The following MBD6 variants were observed in gnomAD, a reference collection of about 807,000 sequenced individuals.
MBD6 encodes methyl-CpG-binding domain protein 6.
A neutral mutation model predicts 66.8 loss-of-function variants in MBD6; 22 were observed. That is an observed-to-expected ratio of 0.33 (90% CI 0.24 to 0.47). MBD6 has a LOEUF of 0.47. Ranked by LOEUF, MBD6 falls within the 20% of genes least tolerant of loss-of-function variation. The pLI is 1.00. For synonymous variants in MBD6, 540 were observed against 534.6 expected (o/e 1.01, Z -0.14); for missense variants, 1,322 against 1,286.9 (o/e 1.03, Z -0.42).
rs747762580 is a variant in MBD6 at position 57,526,298 on chromosome 12, A to G, written c.1330A>G (p.Thr444Ala). The G allele has an allele frequency of 6.2e-7, 1 of 1,608,658 alleles. No individual in the cohort carries two copies. The highest frequency in any genetic ancestry group is 2.2e-5 in the East Asian group (1 of 44,582). Residue 444 changes from threonine to alanine, a missense_variant, in exon 6 of 13, where the codon ACC becomes GCC. Coordinates refer to ENST00000355673, the MANE Select transcript of MBD6 (RefSeq NM_052897.4). ...GSDAHLPPPP[T>A]LSSGSPPQPR... ...AGATGCACACCTTCCTCCTCCCCCA[A>G]CCCTCTCCTCAGGGAGCCCTCCCCA...
intron 3 of MBD6, 82 bp from the exon 4 acceptor site, chr12:57,524,638 G>C (rs1878717529): frequency 7.6e-7 from 1 of 1,314,322 alleles, no homozygotes; most frequent in Non-Finnish European, 1.1e-6. Flanking sequence ...AGGAGGATCT[G>C]TAACTTAAGC....
intron 1 of MBD6, 55 bp downstream of exon 1, chr12:57,523,066 C>G (rs1878524261): frequency 6.9e-6 from 1 of 144,724 alleles, no homozygotes; most frequent in Non-Finnish European, 1.5e-5. Context: ...CGTCCCTACC[C>G]TCTGCCCCCT....
At chr12:57,521,413 G>A (rs1395326052), upstream of MBD6, among the ~76,000 whole-genome samples, 1 of 152,226 alleles carries the variant, frequency 6.6e-6, no homozygotes, top group Non-Finnish European at 1.5e-5. Context: ...CAGTGACCGA[G>A]ATCGCGCCAC....
At chr12:57,530,633 GT>G, downstream of MBD6, 1 of 1,453,804 alleles carries the variant, frequency 6.9e-7, no homozygotes, top group Non-Finnish European at 9.6e-7. Context: ...TATGTAAGCT[GT>G]TAACAGAGTT....
intron 12 of MBD6, 55 bp from the exon 13 acceptor site, chr12:57,529,105 G>T (rs1879332216): frequency 1.2e-6 from 2 of 1,613,240 alleles, no homozygotes; most frequent in Admixed American, 1.7e-5. Context: ...GAGAAAAGAA[G>T]ACTTCCTGAT....
At chr12:57,520,798 A>C (rs1878270311), upstream of MBD6, 2 of 173,126 alleles carry the variant, frequency 1.2e-5, no homozygotes, top group African/African-American at 5.6e-5. Flanking sequence ...GGAGGGGAGG[A>C]AAGGGGGGCG....
In MBD6 at chr12:57,527,152, C is replaced by A. The variant is rs76917839; in HGVS notation, c.2007C>A (p.Ala669=). The change falls in exon 7 of 13, where the codon GCC becomes GCA. Residue 669 remains alanine, a synonymous_variant. Transcript: ENST00000355673. ...LSPLLFPPLS[A]PPTLIALNSA... ...CCCTACTTTTCCCCCCACTTTCAGCCCCCCCTACCCTCATAGCTTTAAATT... is the reference window on the plus strand; with the variant it reads ...CCCTACTTTTCCCCCCACTTTCAGCACCCCCTACCCTCATAGCTTTAAATT... 4,898 of 1,449,644 alleles carry A rather than the reference C, an allele frequency of 3.4e-3. 33 individuals are homozygous for A. Among genetic ancestry groups the A allele is most frequent in the African/African-American group, 0.031 (2,171 of 69,172 alleles). The allele number at this position is 1,449,644 out of a possible 1,614,324, so 89.8% of individuals were successfully genotyped here.
chr12:57,526,373 C>G lies in MBD6; in HGVS notation c.1405C>G (p.Leu469Val), dbSNP rs750860150. 4.4e-6 allele frequency: 7 copies of G among 1,594,596 alleles called. No homozygotes were observed. The South Asian group carries it at 8.0e-5, about 18-fold the overall frequency. The change falls in exon 6 of 13, where the codon CTC becomes GTC. Residue 469 changes from leucine to valine, a missense_variant. Leu to Val is a conservative substitution (Grantham distance 32). Transcript: ENST00000355673. ...PSLPGTTSGS[L>V]SSVPGAPAPP... is the part of the protein sequence containing the mutation. ...CCTGCCTGGGACCACCAGTGGCAGC[C>G]TCAGCAGTGTGCCAGGTATGTGAGT...
rs868802015 is a variant in MBD6, at chr12:57,526,172, C to A, written c.1204C>A (p.Pro402Thr). 6.2e-7 allele frequency: 1 copy of A among 1,614,166 alleles called. No homozygotes were observed. Among genetic ancestry groups the A allele is most frequent in the Non-Finnish European group, 8.5e-7 (1 of 1,180,018 alleles). The change falls in exon 6 of 13, where the codon CCG becomes ACG. Residue 402 changes from proline to threonine, a missense_variant. Physicochemically the swap from Pro to Thr is conservative, Grantham distance 38. Coordinates refer to ENST00000355673, the MANE Select transcript of MBD6 (RefSeq NM_052897.4). ...PAPVPQPFSLPEPSQPILPSV... is the reference protein window; with the variant it reads ...PAPVPQPFSLTEPSQPILPSV... ...TCCTGTCCCCCAACCCTTTTCTCTC[C>A]CGGAGCCATCCCAACCAATTCTCCC... is the stretch of plus-strand genomic sequence containing the variant.
downstream of MBD6, chr12:57,530,739 C>CGG: frequency 6.2e-7 from 1 of 1,613,970 alleles, no homozygotes; most frequent in Non-Finnish European, 8.5e-7. Context: ...AAGTTCCCCT[C>CGG]AACTGTGGCC....
chr12:57,529,015 T>A lies in MBD6; in HGVS notation c.2937+6T>A. 7 of 1,613,644 alleles carry A rather than the reference T, an allele frequency of 4.3e-6. No homozygotes were observed. The highest frequency in any genetic ancestry group is 5.9e-6 in the Non-Finnish European group (7 of 1,179,894). On this transcript the variant is annotated splice_donor_region_variant and intron_variant, in intron 12 of 12. Coordinates refer to ENST00000355673, the MANE Select transcript of MBD6 (RefSeq NM_052897.4). ...AACCCAGCCCTACAGCCCGAGTAAGTGTGTGTTTGGGTGGATGGGTGGATG... is the reference window on the plus strand; with the variant it reads ...AACCCAGCCCTACAGCCCGAGTAAGAGTGTGTTTGGGTGGATGGGTGGATG...
rs1416642767 is a variant in MBD6, at chr12:57,522,900, C to G, written c.-200C>G. On this transcript the variant is annotated 5_prime_UTR_variant, in exon 1 of 13. Transcript: ENST00000355673. ...CGGCAGCGGCGCTTCCTGCTAGGACCGGCCGGGGCCGTACCGGAGGCTCGG... is the reference window on the plus strand; with the variant it reads ...CGGCAGCGGCGCTTCCTGCTAGGACGGGCCGGGGCCGTACCGGAGGCTCGG... The G allele has an allele frequency of 6.5e-6, 1 of 153,436 alleles. No individual in the cohort carries two copies. Among genetic ancestry groups the G allele is most frequent in the Admixed American group, 6.6e-5 (1 of 15,264 alleles). 9.5% of individuals were successfully genotyped at this position (153,436 alleles called of 1,614,324 possible).
At position 57,524,464 on chromosome 12, in the gene MBD6, G is replaced by A. The variant is rs777659961; in HGVS notation, c.113+48G>A. 1.3e-5 allele frequency: 20 copies of A among 1,485,526 alleles called. No homozygotes were observed. The Admixed American group carries it at 3.6e-4, about 27-fold the overall frequency. The allele number at this position is 1,485,526 out of a possible 1,614,324, so 92.0% of individuals were successfully genotyped here. A position where few individuals can be genotyped will look rare whatever the true frequency, so the allele number is the denominator to read the frequency against. On this transcript the variant is annotated intron_variant, in intron 3 of 12. Coordinates refer to ENST00000355673, the MANE Select transcript of MBD6 (RefSeq NM_052897.4). Reference sequence around the variant, plus strand: ...AAGCTCTGCCACTCCAGTTGCCCAGGTTTTCTTTCTTCCGTTTCTTCTCTC... The same window carrying A: ...AAGCTCTGCCACTCCAGTTGCCCAGATTTTCTTTCTTCCGTTTCTTCTCTC...
At chr12:57,530,503 A>G, downstream of MBD6, 1 of 514,450 alleles carries the variant, frequency 1.9e-6, no homozygotes, top group Non-Finnish European at 3.4e-6. Flanking sequence ...ATGATAACCA[A>G]CCCCTAGCTA....
downstream of MBD6, among the ~76,000 whole-genome samples, chr12:57,531,505 A>C (rs1041776519): frequency 2.0e-5 from 3 of 152,194 alleles, no homozygotes; most frequent in African/African-American, 7.2e-5. Flanking sequence ...CAACAGAGCG[A>C]GACTCTGTCT....
intron 11 of MBD6, 71 bp from the exon 12 acceptor site, chr12:57,528,875 T>C: frequency 6.2e-7 from 1 of 1,611,228 alleles, no homozygotes; most frequent in South Asian, 1.1e-5. Flanking sequence ...GTAGAAAGTT[T>C]CCCACCCAAA....
intron 7 of MBD6, 97 bp downstream of exon 7, chr12:57,527,324 C>A: frequency 9.0e-7 from 1 of 1,114,290 alleles, no homozygotes. Context: ...TGAGCTCTTC[C>A]TTGGGGCCTT....
downstream of MBD6, among the ~76,000 whole-genome samples, chr12:57,531,351 C>T (rs548579020): frequency 4.0e-5 from 6 of 151,754 alleles, no homozygotes; most frequent in Admixed American, 3.9e-4. Context: ...GGTGAAACCC[C>T]GTCTCTACTA....
chr12:57,527,478 T>G, intron 7 of MBD6, 29 bp from the exon 8 acceptor site: 1 of 1,612,450 alleles, frequency 6.2e-7, no homozygotes, highest in Admixed American at 1.7e-5. Flanking sequence ...TTTACACGCG[T>G]AAGTGTTAGA....
Sources: gnomAD v4.1 joint callset for allele counts (sites outside exome capture counted in the v4.1 genomes callset) on GRCh38, gnomAD v4.1.1 for gene constraint, MANE v1.5 for transcripts, NCBI Gene and HGNC (gene_info 2026-07-23, HGNC 2026-07-21) for gene names.